The following TUBGCP2 variants were observed in gnomAD, a reference collection of about 807,000 sequenced individuals.
TUBGCP2 encodes the protein tubulin gamma complex component 2, also known as gamma-tubulin complex component 2.
In TUBGCP2, 55 loss-of-function variants were observed where a neutral mutation model predicts 92.2. The ratio of observed to expected loss-of-function variants is 0.60; its 90% CI spans 0.48 to 0.75. The LOEUF (loss-of-function observed/expected upper bound fraction) is 0.75. Ranked by LOEUF, TUBGCP2 falls within the 30% of genes least tolerant of loss-of-function variation. The pLI is 0.00. For missense variants in TUBGCP2, 1,093 were observed against 1,188.9 expected (o/e 0.92, Z 1.19); for synonymous variants, 533 against 505.2 (o/e 1.06, Z -0.74).
chr10:133,297,954 A>G lies in TUBGCP2; in HGVS notation c.614T>C (p.Ile205Thr), dbSNP rs771845550. ...CCGGAAATCAACGCATCACGTACCT[A>G]TCGGCAAAGCGGTGTCTGTGCTGAT... ...AGISTDTALP[I>T]GTLPLASQES... Residue 205 changes from isoleucine (I) to threonine (T), a missense_variant and splice_region_variant, in exon 5 of 18, where the codon ATA (isoleucine) becomes ACA (threonine). By Grantham distance (89) the Ile-to-Thr change is moderately conservative (BLOSUM62 -1). Around this residue, in one of 3 missense-constraint regions of TUBGCP2, gnomAD observed 490 missense variants for 488.5 expected, o/e 1.00. Transcript: ENST00000252936. The G allele has an allele frequency of 8.7e-6, 14 of 1,613,226 alleles. No individual in the cohort carries two copies. Among genetic ancestry groups the G allele is most frequent in the East Asian group, 4.5e-5 (2 of 44,878 alleles).
At chr10:133,311,816 G>C (rs1847995761), upstream of TUBGCP2, 5 of 1,613,254 alleles carry the variant, frequency 3.1e-6, no homozygotes, top group Admixed American at 8.3e-5. Flanking sequence ...TGCACCGGCA[G>C]GTGAGAGGCG....
Position 133,281,234 on chromosome 10 carries a change from G to A in TUBGCP2, c.2573+39C>T, listed in dbSNP as rs373023117. 9.8e-5 allele frequency: 157 copies of A among 1,601,070 alleles called. No homozygotes were observed. In the African/African-American group the frequency reaches 1.7e-3, roughly 18 times the overall value. On this transcript the variant is annotated intron_variant, in intron 17 of 17. Coordinates refer to ENST00000252936, the MANE Select transcript of TUBGCP2 (RefSeq NM_006659.4). ...GCTGGGCAGGGGCAGGCGCTGGACTGAGCTGAGGAAGGGCTGAGCCGGGGT... is the reference window on the plus strand; with the variant it reads ...GCTGGGCAGGGGCAGGCGCTGGACTAAGCTGAGGAAGGGCTGAGCCGGGGT...
chr10:133,309,151 G>A, upstream of TUBGCP2: 1 of 1,378,688 alleles, frequency 7.3e-7, no homozygotes, highest in Non-Finnish European at 9.4e-7. Flanking sequence ...GGCCTACGGC[G>A]GCGAGGCGGG....
upstream of TUBGCP2, among the ~76,000 whole-genome samples, chr10:133,310,813 T>C (rs1351495845): frequency 2.0e-5 from 3 of 152,170 alleles, no homozygotes; most frequent in Non-Finnish European, 4.4e-5. Context: ...AATCTTTTTT[T>C]TTTTTTGAGA....
chr10:133,310,248 C>T (rs570292213), upstream of TUBGCP2: 25 of 1,614,018 alleles, frequency 1.5e-5, no homozygotes, highest in South Asian at 2.7e-4. Context: ...GCACCTGTAC[C>T]CCGCGGACTT....
At chr10:133,311,609 A>G (rs1476199373), upstream of TUBGCP2, 5 of 957,060 alleles carry the variant, frequency 5.2e-6, no homozygotes, top group Non-Finnish European at 6.3e-6. Flanking sequence ...GTAAGAAAAT[A>G]TGCTACTTAC....
At chr10:133,283,690 ATTCCCTGCCTCTCC>A (rs768481754) in intron 14 of TUBGCP2, among the ~76,000 whole-genome samples, 178 bp downstream of exon 14, 2,838 of 12,252 alleles carry the variant, frequency 0.23, 50 homozygotes, top group Non-Finnish European at 0.29. Context: ...CCTCTCCCGC[ATTCCCTGCCTCTCC>A]CGCACGCCCT....
At chr10:133,310,415 C>T, upstream of TUBGCP2, 1 of 1,220,240 alleles carries the variant, frequency 8.2e-7, no homozygotes. Context: ...TGTTCACCTG[C>T]AGGTACCTGA....
chr10:133,308,824 G>A lies in TUBGCP2; in HGVS notation c.-41C>T, dbSNP rs981944305. ...CGCCCGCGTTCGGCCAGGACTCACCGCAGTCCCGGAGCCACAGCCCCCGCG... is the reference window on the plus strand; with the variant it reads ...CGCCCGCGTTCGGCCAGGACTCACCACAGTCCCGGAGCCACAGCCCCCGCG... On this transcript the variant is annotated splice_region_variant and 5_prime_UTR_variant, in exon 1 of 18. Coordinates refer to ENST00000252936, the MANE Select transcript of TUBGCP2 (RefSeq NM_006659.4). 9 of 837,770 alleles carry A rather than the reference G, an allele frequency of 1.1e-5. No individual in the cohort carries two copies. The highest frequency in any genetic ancestry group is 3.6e-5 in the African/African-American group (2 of 55,662). 51.9% of individuals were successfully genotyped at this position (837,770 alleles called of 1,614,324 possible). A position where few individuals can be genotyped will look rare whatever the true frequency, so the allele number is the denominator to read the frequency against.
rs1186484390 is a variant in TUBGCP2 at position 133,308,823 on chromosome 10, C to T, written c.-40G>A. The T allele has an allele frequency of 1.2e-6, 1 of 866,864 alleles. No homozygotes were observed. Among genetic ancestry groups the T allele is most frequent in the Non-Finnish European group, 1.5e-6 (1 of 667,376 alleles). 53.7% of individuals were successfully genotyped at this position (866,864 alleles called of 1,614,324 possible). On this transcript the variant is annotated splice_region_variant and 5_prime_UTR_variant, in exon 1 of 18. Coordinates refer to ENST00000252936, the MANE Select transcript of TUBGCP2 (RefSeq NM_006659.4). ...GCGCCCGCGTTCGGCCAGGACTCAC[C>T]GCAGTCCCGGAGCCACAGCCCCCGC...
intron 6 of TUBGCP2, 76 bp from the exon 7 acceptor site, chr10:133,293,314 T>C (rs1847409275): frequency 1.3e-6 from 2 of 1,531,322 alleles, no homozygotes; most frequent in Non-Finnish European, 1.8e-6. Flanking sequence ...CTGAGTCTCA[T>C]CCCAAACAGG....
intron 1 of TUBGCP2, among the ~76,000 whole-genome samples, chr10:133,306,044 TG>T (rs1388683330): frequency 6.6e-6 from 1 of 152,224 alleles, no homozygotes; most frequent in African/African-American, 2.4e-5. Flanking sequence ...GGCCCATACG[TG>T]GTAAGTTCTT....
At chr10:133,310,353 G>A (rs572534849), upstream of TUBGCP2, 16 of 1,597,918 alleles carry the variant, frequency 1.0e-5, no homozygotes, top group East Asian at 8.9e-5. Context: ...CCAACTAGCC[G>A]GAATGCATAG....
At chr10:133,293,459 G>A (rs753646312) in intron 6 of TUBGCP2, 103 bp downstream of exon 6, 198 of 1,360,244 alleles carry the variant, frequency 1.5e-4, no homozygotes, top group Middle Eastern at 2.5e-4. Context: ...CAAGGCGGGC[G>A]CTCTCTTTAG....
chr10:133,310,312 C>T (rs1456513183), upstream of TUBGCP2: 8 of 1,612,654 alleles, frequency 5.0e-6, no homozygotes, highest in Middle Eastern at 6.6e-4. Context: ...AGGCTCAGCA[C>T]GTGTCTGCTT....
intron 7 of TUBGCP2, 97 bp downstream of exon 7, chr10:133,292,942 C>A: frequency 7.2e-7 from 1 of 1,383,846 alleles, no homozygotes. Context: ...CCCTGGGCAG[C>A]TGCTCCACGG....
upstream of TUBGCP2, chr10:133,309,609 C>T (rs1489075581): frequency 7.9e-7 from 1 of 1,261,676 alleles, no homozygotes; most frequent in Non-Finnish European, 1.1e-6. Flanking sequence ...GTGGCCGACT[C>T]TTCCACCACC....
chr10:133,311,101 C>T (rs12243782), upstream of TUBGCP2, among the ~76,000 whole-genome samples: 1,113 of 152,272 alleles, frequency 7.3e-3, 12 homozygotes, highest in African/African-American at 0.026. Flanking sequence ...CATGTCCAGC[C>T]GGAACAATTT....
Position 133,285,572 on chromosome 10 carries a change from C to A in TUBGCP2, c.1779G>T (p.Glu593Asp). ...GCGCCATCGCCTTCTCCTGCTTGGT[C>A]TCGATGGCCAGGACGCGCAAGAGCT... ...ITQLLRVLAI[E>D]TKQEKAMAHA... The change falls in exon 12 of 18, where the codon GAG becomes GAT. Residue 593 changes from glutamate to aspartate, a missense_variant. Glu to Asp is a conservative substitution (Grantham distance 45). Transcript: ENST00000252936. The surrounding 1 kb of genome is among the most constrained non-coding windows in gnomAD (Gnocchi z 6.8). The A allele has an allele frequency of 6.4e-7, 1 of 1,561,580 alleles. No homozygotes were observed. The highest frequency in any genetic ancestry group is 8.7e-7 in the Non-Finnish European group (1 of 1,151,188).
Sources: gnomAD v4.1 joint callset for allele counts (sites outside exome capture counted in the v4.1 genomes callset) on GRCh38, gnomAD v4.1.1 for gene constraint, gnomAD v4.1.1 regional missense constraint, Gnocchi (gnomAD v3.1) non-coding constraint, MANE v1.5 for transcripts, NCBI Gene and HGNC (gene_info 2026-07-23, HGNC 2026-07-21) for gene names.